Variants in PDGFD observed in about 807,000 individuals in gnomAD.
PDGFD encodes the protein platelet derived growth factor D, also known as platelet-derived growth factor D.
Under a neutral mutation model 44.7 loss-of-function variants are expected in PDGFD, and 30 were observed. That is an observed-to-expected ratio of 0.67 (90% confidence interval 0.50 to 0.91). PDGFD has a LOEUF of 0.91. Among genes scored for constraint, PDGFD ranks in the 40% least tolerant of loss-of-function variants. The pLI is 0.00. For missense variants in PDGFD, 445 were observed against 457.8 expected, an observed-to-expected ratio of 0.97 and a Z score of 0.25; for synonymous variants, 173 against 168.4, an observed-to-expected ratio of 1.03 and a Z score of -0.21.
chr11:104,128,136 C>T (rs1475789086), intron 1 of PDGFD, among the ~76,000 whole-genome samples: 1 of 122,912 alleles, frequency 8.1e-6, no homozygotes, highest in African/African-American at 3.1e-5. Context: ...CTGTCTACTA[C>T]ATCTGATTAA....
At chr11:103,998,413 A>T (rs908949381) in intron 2 of PDGFD, among the ~76,000 whole-genome samples, 3 of 152,158 alleles carry the variant, frequency 2.0e-5, no homozygotes, top group Admixed American at 6.6e-5. Flanking sequence ...ATCACCAATG[A>T]TTTAATTAAT....
At chr11:104,018,709 A>G (rs1157975639) in intron 1 of PDGFD, among the ~76,000 whole-genome samples, 1 of 152,088 alleles carries the variant, frequency 6.6e-6, no homozygotes, top group Non-Finnish European at 1.5e-5. Flanking sequence ...GCACTCATAC[A>G]TGTCCTTTTC....
intron 1 of PDGFD, among the ~76,000 whole-genome samples, chr11:104,081,415 A>T (rs1022072180): frequency 4.6e-5 from 7 of 152,176 alleles, no homozygotes; most frequent in African/African-American, 1.4e-4. Context: ...ACAAACTGAA[A>T]TATTTTCTGA....
intron 1 of PDGFD, among the ~76,000 whole-genome samples, chr11:104,023,791 A>G (rs1859998441): frequency 6.6e-6 from 1 of 152,164 alleles, no homozygotes; most frequent in African/African-American, 2.4e-5. Flanking sequence ...GAAGTCTATC[A>G]CAGCTTATGC....
intron 3 of PDGFD, among the ~76,000 whole-genome samples, chr11:103,955,689 T>C (rs1858831937): frequency 6.6e-6 from 1 of 152,198 alleles, no homozygotes; most frequent in South Asian, 2.1e-4. Context: ...AAAGAATATC[T>C]CTCAAAGTTA....
intron 1 of PDGFD, 23 bp downstream of exon 1, chr11:104,163,781 A>G: frequency 6.6e-7 from 1 of 1,505,202 alleles, no homozygotes; most frequent in African/African-American, 1.4e-5. Context: ...TTTTTCAGTT[A>G]AAAAATAAAA....
intron 6 of PDGFD, among the ~76,000 whole-genome samples, chr11:103,917,478 C>T (rs866965535): frequency 9.9e-5 from 15 of 152,042 alleles, no homozygotes; most frequent in East Asian, 3.9e-4. Flanking sequence ...TCTTAGATCC[C>T]GGTTAGCCTT....
At chr11:104,069,923 C>G (rs1158570000) in intron 1 of PDGFD, among the ~76,000 whole-genome samples, 1 of 152,204 alleles carries the variant, frequency 6.6e-6, no homozygotes, top group Non-Finnish European at 1.5e-5. Context: ...AGATGGCTTT[C>G]TCCTGAAACA....
At chr11:104,006,197 A>G (rs1859699244) in intron 1 of PDGFD, among the ~76,000 whole-genome samples, 1 of 152,202 alleles carries the variant, frequency 6.6e-6, no homozygotes, top group South Asian at 2.1e-4. Flanking sequence ...GGAGTCTGTT[A>G]GGAATGTAAA....
At chr11:103,973,913 T>C (rs968441696) in intron 3 of PDGFD, among the ~76,000 whole-genome samples, 7 of 152,024 alleles carry the variant, frequency 4.6e-5, no homozygotes, top group Admixed American at 2.0e-4. Flanking sequence ...GGTTTTATCA[T>C]AGGGAATAGA....
intron 3 of PDGFD, among the ~76,000 whole-genome samples, chr11:103,948,123 GTGTT>G (rs1453211624): frequency 6.6e-6 from 1 of 152,136 alleles, no homozygotes; most frequent in African/African-American, 2.4e-5. Flanking sequence ...ACTGAATAAA[GTGTT>G]TGATAAAGAA....
chr11:103,997,599 A>C (rs1444400320), intron 2 of PDGFD, among the ~76,000 whole-genome samples: 1 of 152,174 alleles, frequency 6.6e-6, no homozygotes, highest in African/African-American at 2.4e-5. Context: ...CTTGGAAGGT[A>C]AAAAGCACTA....
At chr11:104,134,089 T>G (rs80027651) in intron 1 of PDGFD, among the ~76,000 whole-genome samples, 19,791 of 152,160 alleles carry the variant, frequency 0.13, 1,421 homozygotes, top group East Asian at 0.29. Flanking sequence ...CATGAAAATA[T>G]AAACTATATT....
At chr11:103,996,457 C>T (rs1591113046) in intron 2 of PDGFD, among the ~76,000 whole-genome samples, 1 of 152,160 alleles carries the variant, frequency 6.6e-6, no homozygotes, top group Admixed American at 6.6e-5. Flanking sequence ...AAAACCTTTA[C>T]ATACATTTAG....
intron 3 of PDGFD, among the ~76,000 whole-genome samples, chr11:103,953,446 T>C (rs1468368797): frequency 2.6e-5 from 4 of 152,198 alleles, no homozygotes; most frequent in Non-Finnish European, 5.9e-5. Flanking sequence ...AAAATGTTGA[T>C]ATTGGTTAGC....
chr11:103,927,775 CA>C (rs1201744793), intron 5 of PDGFD, among the ~76,000 whole-genome samples: 1 of 152,180 alleles, frequency 6.6e-6, no homozygotes, highest in Non-Finnish European at 1.5e-5. Flanking sequence ...AGTAAAGTTA[CA>C]ACTGCCTTCA....
chr11:104,094,693 T>C (rs1191076259), intron 1 of PDGFD, among the ~76,000 whole-genome samples: 1 of 152,106 alleles, frequency 6.6e-6, no homozygotes, highest in African/African-American at 2.4e-5. Flanking sequence ...GTCAGTTTTT[T>C]CTCCAACTGC....
chr11:104,160,346 T>C (rs1644836318), intron 1 of PDGFD, among the ~76,000 whole-genome samples: 2 of 152,230 alleles, frequency 1.3e-5, no homozygotes, highest in African/African-American at 2.4e-5. Context: ...AAATGAAGAA[T>C]GCATCTGTAT....
Position 103,970,750 on chromosome 11 carries a change from C to A in PDGFD, c.511-23026G>T, listed in dbSNP as rs573518587. ...TTTCCAAGAATTCAAAATGCATCGC[C>A]ATGAAGGGAAAGAATTGTTTATGAT... On this transcript the variant is annotated intron_variant, in intron 3 of 6. Transcript: ENST00000393158. Among the ~76,000 whole-genome samples, 6 of 152,136 alleles carry A rather than the reference C, an allele frequency of 3.9e-5. No homozygotes were observed. The South Asian group carries it at 1.2e-3, about 32-fold the overall frequency.
Sources: gnomAD v4.1 joint callset for allele counts (sites outside exome capture counted in the v4.1 genomes callset) on GRCh38, gnomAD v4.1.1 for gene constraint, MANE v1.5 for transcripts, NCBI Gene and HGNC (gene_info 2026-07-23, HGNC 2026-07-21) for gene names.